The following CSMD1 variants were observed in gnomAD, a reference collection of about 807,000 sequenced individuals.
The protein encoded by CSMD1 is CUB and sushi domain-containing protein 1.
In CSMD1, 213 loss-of-function variants were observed where a neutral mutation model predicts 417.5. The observed-to-expected ratio is 0.51, with a 90% CI of 0.46 to 0.57. CSMD1 has a LOEUF of 0.57. Among genes scored for constraint, CSMD1 ranks in the 20% least tolerant of loss-of-function variants. The pLI, the probability that CSMD1 is intolerant of heterozygous loss-of-function variation, is 0.00. For synonymous variants in CSMD1, 2,862 were observed against 1,736.8 expected (o/e 1.65, Z -16.11); for missense variants, 6,923 against 4,529.7 (o/e 1.53, Z -15.17).
At chr8:4,805,162 A>G (rs922875067) in intron 1 of CSMD1, among the ~76,000 whole-genome samples, 1 of 152,170 alleles carries the variant, frequency 6.6e-6, no homozygotes, top group African/African-American at 2.4e-5. Flanking sequence ...TTCCCCCTGG[A>G]TGTCAGTTTA....
intron 1 of CSMD1, among the ~76,000 whole-genome samples, chr8:4,690,445 A>T (rs1386305429): frequency 6.6e-6 from 1 of 152,218 alleles, no homozygotes; most frequent in East Asian, 1.9e-4. Context: ...AAGTTGCAGA[A>T]TTTAAGGAAA....
intron 40 of CSMD1, among the ~76,000 whole-genome samples, chr8:3,143,148 G>GT (rs950140005): frequency 7.2e-5 from 11 of 152,070 alleles, no homozygotes; most frequent in South Asian, 4.1e-4. Flanking sequence ...ATGCCACAGA[G>GT]TTTTTTTTGT....
At chr8:3,972,313 T>A (rs189475781) in intron 5 of CSMD1, among the ~76,000 whole-genome samples, 55 of 152,332 alleles carry the variant, frequency 3.6e-4, no homozygotes, top group Middle Eastern at 3.4e-3. Context: ...ATGTTAGAAA[T>A]CCAGTTTTCC....
At chr8:4,152,737 T>C (rs531269103) in intron 3 of CSMD1, among the ~76,000 whole-genome samples, 40 of 151,768 alleles carry the variant, frequency 2.6e-4, no homozygotes, top group African/African-American at 9.7e-4. Context: ...ACAATAGATA[T>C]ATACGTCCAT....
chr8:3,266,541 G>T (rs1225999158), intron 26 of CSMD1, among the ~76,000 whole-genome samples: 1 of 149,120 alleles, frequency 6.7e-6, no homozygotes, highest in Admixed American at 6.8e-5. Flanking sequence ...AGGAGGCAGA[G>T]GTTGCAGTGA....
intron 5 of CSMD1, among the ~76,000 whole-genome samples, chr8:3,840,196 A>T (rs1225288179): frequency 6.6e-6 from 1 of 152,170 alleles, no homozygotes; most frequent in East Asian, 1.9e-4. Flanking sequence ...TCATAAAGTA[A>T]CTAAATGCTT....
intron 10 of CSMD1, among the ~76,000 whole-genome samples, chr8:3,504,610 A>G (rs903023632): frequency 6.6e-6 from 1 of 152,182 alleles, no homozygotes. Flanking sequence ...TATAACCAAG[A>G]AAAACTCATC....
rs1167224053 is a variant in CSMD1 at position 3,703,468 on chromosome 8, ATTCATTCATTCATC to A, written c.1009+4932_1009+4945del. Among the ~76,000 whole-genome samples the A allele has an allele frequency of 1.3e-3, 194 of 152,026 alleles. 3 individuals are homozygous for A. Among genetic ancestry groups the A allele is most frequent in the African/African-American group, 4.5e-3 (186 of 41,448 alleles). On this transcript the variant is annotated intron_variant, in intron 7 of 69. Transcript: ENST00000635120. ...CATTCATTCATTCATTCATTCATTC[ATTCATTCATTCATC>A]AGTAGATACTGGTTGTGTACTGGTA...
chr8:4,020,667 A>T lies in CSMD1; in HGVS notation c.610+11238T>A, dbSNP rs778486625. ...TTTTTTCTTACTTATTCCAGGACAG[A>T]TAACAAAGCTGTTTTCATTTTACTC... is the stretch of plus-strand genomic sequence containing the variant. On this transcript the variant is annotated intron_variant, in intron 4 of 69. Transcript: ENST00000635120. 6.6e-5 allele frequency among the ~76,000 whole-genome samples: 10 copies of T among 152,352 alleles called. No individual in the cohort carries two copies. The East Asian group carries it at 1.5e-3, about 24-fold the overall frequency.
intron 6 of CSMD1, among the ~76,000 whole-genome samples, chr8:3,716,368 T>A: frequency 6.6e-6 from 1 of 152,170 alleles, no homozygotes. Context: ...GACAGAACAG[T>A]CTTGAAGGCC....
At chr8:4,446,253 G>A (rs1012771829) in intron 2 of CSMD1, among the ~76,000 whole-genome samples, 1 of 152,180 alleles carries the variant, frequency 6.6e-6, no homozygotes, top group Non-Finnish European at 1.5e-5. Context: ...AAGATCACTT[G>A]AAGAGTGGAC....
intron 2 of CSMD1, among the ~76,000 whole-genome samples, chr8:4,529,938 C>A (rs116386102): frequency 6.6e-6 from 1 of 150,378 alleles, no homozygotes; most frequent in African/African-American, 2.5e-5. Context: ...TGTTTGAGAC[C>A]GAGTCTCGAT....
intron 3 of CSMD1, among the ~76,000 whole-genome samples, chr8:4,362,358 C>T (rs564445003): frequency 5.9e-5 from 9 of 152,046 alleles, no homozygotes; most frequent in Non-Finnish European, 1.3e-4. Flanking sequence ...ATCTGTCTGC[C>T]CCCTGCACTC....
chr8:4,306,186 G>A (rs535622864), intron 3 of CSMD1, among the ~76,000 whole-genome samples: 2 of 152,278 alleles, frequency 1.3e-5, no homozygotes, highest in East Asian at 1.9e-4. Flanking sequence ...GAAGTTGTCT[G>A]CATTAAAACG....
At chr8:4,441,609 G>C (rs1349658520) in intron 2 of CSMD1, among the ~76,000 whole-genome samples, 1 of 152,054 alleles carries the variant, frequency 6.6e-6, no homozygotes, top group African/African-American at 2.4e-5. Context: ...TGATAATGCT[G>C]AAGTTCTTCA....
chr8:3,453,885 T>C (rs571300953), intron 12 of CSMD1, among the ~76,000 whole-genome samples: 23 of 152,292 alleles, frequency 1.5e-4, no homozygotes, highest in South Asian at 4.1e-4. Context: ...TTCTGTCTTG[T>C]TGAAATGTCT....
At position 4,508,061 on chromosome 8, in the gene CSMD1, G is replaced by A. The variant is rs144822461; in HGVS notation, c.303-87996C>T. Among the ~76,000 whole-genome samples the A allele has an allele frequency of 5.8e-3, 808 of 139,222 alleles. 8 individuals carry two copies. Among genetic ancestry groups the A allele is most frequent in the African/African-American group, 0.02 (767 of 37,422 alleles). 91.3% of individuals were successfully genotyped at this position (139,222 alleles called of 152,430 possible). A position where few individuals can be genotyped will look rare whatever the true frequency, so the allele number is the denominator to read the frequency against. ...TGTCCCTATTAAATGAGCATCTGGA[G>A]ATTGTGAGCTATGTAGAAAAAAAAT... On this transcript the variant is annotated intron_variant, in intron 2 of 69. Coordinates refer to ENST00000635120, the MANE Select transcript of CSMD1 (RefSeq NM_033225.6).
rs372262116 is a variant in CSMD1 at position 3,470,632 on chromosome 8, A to C, written c.1449-1808T>G. Among the ~76,000 whole-genome samples, 17 of 152,186 alleles carry C rather than the reference A, an allele frequency of 1.1e-4. 1 individual carries two copies. In the South Asian group the frequency reaches 3.5e-3, roughly 32 times the overall value. ...AATGCAGGGCAGCTCCATTCCTTCC[A>C]AATTCTCTGGTGCTCTTCCCTTAAA... is the stretch of plus-strand genomic sequence containing the variant. On this transcript the variant is annotated intron_variant, in intron 11 of 69. Coordinates refer to ENST00000635120, the MANE Select transcript of CSMD1 (RefSeq NM_033225.6).
At chr8:4,030,597 G>A (rs1165030751) in intron 4 of CSMD1, among the ~76,000 whole-genome samples, 1 of 152,186 alleles carries the variant, frequency 6.6e-6, no homozygotes, top group Non-Finnish European at 1.5e-5. Flanking sequence ...CCAGGCCTGT[G>A]ATGGGAGGGG....
Sources: allele counts gnomAD v4.1 joint callset (sites outside exome capture counted in the v4.1 genomes callset), GRCh38; gene constraint gnomAD v4.1.1; transcripts MANE v1.5; gene names NCBI Gene and HGNC (gene_info 2026-07-23, HGNC 2026-07-21).